The following STX2 variants were observed in gnomAD, a reference collection of about 807,000 sequenced individuals.
STX2 encodes syntaxin 2, also known as syntaxin-2.
In STX2, 27 loss-of-function variants were observed where a neutral mutation model predicts 40.6. The observed-to-expected ratio is 0.66, with a 90% CI of 0.49 to 0.92. The LOEUF is 0.92. Among genes scored for constraint, STX2 ranks in the 40% least tolerant of loss-of-function variants. STX2 has a pLI of 0.00. For missense variants in STX2, 328 were observed against 366.1 expected, an observed-to-expected ratio of 0.90 and a Z score of 0.85; for synonymous variants, 123 against 119.1, an observed-to-expected ratio of 1.03 and a Z score of -0.22.
At chr12:130,838,972 A>T in intron 1 of STX2, 98 bp downstream of exon 1, 4 of 551,988 alleles carry the variant, frequency 7.2e-6, no homozygotes, top group African/African-American at 2.5e-5. Context: ...CGCCCTGGGG[A>T]CCCTCCCGGA....
intron 3 of STX2, among the ~76,000 whole-genome samples, chr12:130,820,726 A>C (rs1333011395): frequency 9.2e-5 from 14 of 152,224 alleles, no homozygotes; most frequent in Admixed American, 9.2e-4. Context: ...ATTAACATCA[A>C]AACATTGACT....
intron 3 of STX2, among the ~76,000 whole-genome samples, chr12:130,818,047 G>A (rs923445468): frequency 4.0e-5 from 6 of 150,626 alleles, no homozygotes; most frequent in African/African-American, 1.2e-4. Flanking sequence ...GCCTGGCCAC[G>A]CAGCTCCTTA....
At chr12:130,835,148 G>A (rs1010107280) in intron 1 of STX2, among the ~76,000 whole-genome samples, 1 of 152,224 alleles carries the variant, frequency 6.6e-6, no homozygotes, top group African/African-American at 2.4e-5. Flanking sequence ...AGTTTGCTGG[G>A]TGCAGCGGCA....
intron 1 of STX2, 103 bp downstream of exon 1, chr12:130,838,967 T>A: frequency 9.5e-4 from 610 of 643,222 alleles, no homozygotes; most frequent in Non-Finnish European, 1.1e-3. Context: ...ATCCCCGCCC[T>A]GGGGACCCTC....
chr12:130,838,983 GC>G, intron 1 of STX2, 86 bp downstream of exon 1: 1 of 1,092,058 alleles, frequency 9.2e-7, no homozygotes. Flanking sequence ...CCCTCCCGGA[GC>G]CCCGCCCAAG....
intron 3 of STX2, among the ~76,000 whole-genome samples, chr12:130,820,663 C>T (rs2136316577): frequency 6.6e-6 from 1 of 151,620 alleles, no homozygotes; most frequent in South Asian, 2.1e-4. Flanking sequence ...GAGACTCCGT[C>T]TCAAAATAAA....
intron 3 of STX2, among the ~76,000 whole-genome samples, chr12:130,814,710 C>T (rs1565920816): frequency 7.0e-6 from 1 of 143,530 alleles, no homozygotes; most frequent in Non-Finnish European, 1.5e-5. Flanking sequence ...AATCTCGACT[C>T]GTTGCAACTT....
At chr12:130,818,067 C>T (rs1205359612) in intron 3 of STX2, among the ~76,000 whole-genome samples, 1 of 148,976 alleles carries the variant, frequency 6.7e-6, no homozygotes, top group African/African-American at 2.5e-5. Flanking sequence ...ACGGGGAGTA[C>T]GCGCGGCTTC....
In STX2 at chr12:130,791,867, T is replaced by A. The variant is rs1468175486; in HGVS notation, c.*156A>T. ...GATTTGGTTGCAGATGTGGTCTGAGTCTCAAGGATAAATGGCTCTTGGGAT... is the reference window on the plus strand; with the variant it reads ...GATTTGGTTGCAGATGTGGTCTGAGACTCAAGGATAAATGGCTCTTGGGAT... On this transcript the variant is annotated 3_prime_UTR_variant, in exon 11 of 11. Coordinates refer to ENST00000392373, the MANE Select transcript of STX2 (RefSeq NM_194356.4). The A allele has an allele frequency of 6.3e-7, 1 of 1,585,276 alleles. No homozygotes were observed. Among genetic ancestry groups the A allele is most frequent in the East Asian group, 2.2e-5 (1 of 44,582 alleles).
At position 130,798,646 on chromosome 12, in the gene STX2, A is replaced by G; in HGVS notation, c.676-11T>C. 15 of 1,574,928 alleles carry G rather than the reference A, an allele frequency of 9.5e-6. No homozygotes were observed. The highest frequency in any genetic ancestry group is 1.3e-5 in the Non-Finnish European group (15 of 1,165,686). On this transcript the variant is annotated splice_polypyrimidine_tract_variant and intron_variant, in intron 8 of 10. Transcript: ENST00000392373. ...GTTGATCATTTCACCCTTAAAACAA[A>G]AAGTTTCAAACTTAGAAGACATTTT...
chr12:130,838,030 A>G (rs1027828566), intron 1 of STX2, among the ~76,000 whole-genome samples: 2 of 152,222 alleles, frequency 1.3e-5, no homozygotes, highest in Non-Finnish European at 2.9e-5. Flanking sequence ...TCGGGGGTAC[A>G]TAACAGCTCC....
At position 130,808,702 on chromosome 12, in the gene STX2, T is replaced by C. The variant is rs76596600; in HGVS notation, c.283A>G (p.Ile95Val). Residue 95 changes from isoleucine to valine, a missense_variant and splice_region_variant, in exon 5 of 11, where the codon ATT becomes GTT. Ile to Val is a conservative substitution (Grantham distance 29). Coordinates refer to ENST00000392373, the MANE Select transcript of STX2 (RefSeq NM_194356.4). The part of the protein sequence containing the change: ...ANKIRAKLKA[I>V]EQSFDQDESG... Reference sequence around the variant, plus strand: ...TCATCCTGATCAAAACTTTGTTCAATAGCTAGGAACAAATAGGAAATAATT... The same window carrying C: ...TCATCCTGATCAAAACTTTGTTCAACAGCTAGGAACAAATAGGAAATAATT... 2.1e-3 allele frequency: 3,406 copies of C among 1,610,222 alleles called. 69 individuals are homozygous for C. In the African/African-American group the frequency reaches 0.039, roughly 19 times the overall value.
chr12:130,792,018 G>T lies in STX2; in HGVS notation c.*46-41C>A. ...AAACATTAATTTGCAATGTATCAAA[G>T]AAATCAACAATGGCATTTGCTAACT... On this transcript the variant is annotated intron_variant, in intron 10 of 10. Transcript: ENST00000392373. 3 of 1,388,268 alleles carry T rather than the reference G, an allele frequency of 2.2e-6. No homozygotes were observed. The South Asian group carries it at 3.6e-5, about 17-fold the overall frequency. 86.0% of individuals were successfully genotyped at this position (1,388,268 alleles called of 1,614,324 possible).
chr12:130,822,806 C>T (rs548422461), intron 2 of STX2, among the ~76,000 whole-genome samples: 2 of 152,290 alleles, frequency 1.3e-5, no homozygotes, highest in Admixed American at 6.5e-5. Context: ...AAAATCAGAC[C>T]TTGGTGATGA....
chr12:130,819,459 T>C (rs1400717793), intron 3 of STX2, among the ~76,000 whole-genome samples: 5 of 152,200 alleles, frequency 3.3e-5, no homozygotes, highest in Admixed American at 3.3e-4. Flanking sequence ...GGCTGGAGGC[T>C]GCTGCCTACA....
intron 4 of STX2, chr12:130,810,863 T>C (rs1245418228): frequency 6.6e-6 from 1 of 152,166 alleles, no homozygotes; most frequent in Non-Finnish European, 1.5e-5. Context: ...GAATGTGCTT[T>C]GGCTCCCTTG....
intron 1 of STX2, among the ~76,000 whole-genome samples, chr12:130,830,163 C>A (rs1952502294): frequency 6.6e-6 from 1 of 152,192 alleles, no homozygotes; most frequent in Non-Finnish European, 1.5e-5. Context: ...TTCCTACCCC[C>A]CACACCACAA....
Position 130,808,708 on chromosome 12 carries a change from G to A in STX2, c.281-4C>T, listed in dbSNP as rs1951534395. 1.9e-6 allele frequency: 3 copies of A among 1,600,230 alleles called. No homozygotes were observed. Among genetic ancestry groups the A allele is most frequent in the Non-Finnish European group, 8.5e-7 (1 of 1,174,350 alleles). ...TGATCAAAACTTTGTTCAATAGCTA[G>A]GAACAAATAGGAAATAATTACCTTC... On this transcript the variant is annotated splice_region_variant and splice_polypyrimidine_tract_variant and intron_variant, in intron 4 of 10. Coordinates refer to ENST00000392373, the MANE Select transcript of STX2 (RefSeq NM_194356.4).
intron 3 of STX2, 29 bp from the exon 4 acceptor site, chr12:130,813,060 A>T: frequency 7.6e-7 from 1 of 1,317,178 alleles, no homozygotes; most frequent in Non-Finnish European, 1.0e-6. Flanking sequence ...AAAAAATAAA[A>T]TACAGCATCT....
Sources: allele counts gnomAD v4.1 joint callset (sites outside exome capture counted in the v4.1 genomes callset), GRCh38; gene constraint gnomAD v4.1.1; transcripts MANE v1.5; gene names NCBI Gene and HGNC (gene_info 2026-07-23, HGNC 2026-07-21).